The following CNBD1 variants were observed in gnomAD, a reference collection of about 807,000 sequenced individuals.
CNBD1 encodes the protein cyclic nucleotide-binding domain-containing protein 1.
CNBD1 carries 71 observed loss-of-function variants against 54.4 expected under a neutral mutation model. The observed-to-expected ratio is 1.30, with a 90% CI of 1.08 to 1.59. The LOEUF (loss-of-function observed/expected upper bound fraction) is 1.59. Ranked by LOEUF, CNBD1 falls within the 40% of genes most tolerant of loss-of-function variation. The pLI is 0.00. For synonymous variants in CNBD1, 182 were observed against 170.7 expected (o/e 1.07, Z -0.51); for missense variants, 659 against 518.0 (o/e 1.27, Z -2.64).
At chr8:87,118,147 C>T (rs1811813250) in intron 4 of CNBD1, among the ~76,000 whole-genome samples, 1 of 151,762 alleles carries the variant, frequency 6.6e-6, no homozygotes, top group Admixed American at 6.6e-5. Context: ...AACCCCATCT[C>T]TACTAAAAAT....
At chr8:86,984,985 G>A (rs1284407603) in intron 4 of CNBD1, among the ~76,000 whole-genome samples, 1 of 152,122 alleles carries the variant, frequency 6.6e-6, no homozygotes, top group Non-Finnish European at 1.5e-5. Flanking sequence ...GTTTGGCTGT[G>A]TCCCCATCCA....
At chr8:87,365,587 A>G (rs1338046310) in intron 10 of CNBD1, among the ~76,000 whole-genome samples, 2 of 152,050 alleles carry the variant, frequency 1.3e-5, no homozygotes, top group Non-Finnish European at 2.9e-5. Flanking sequence ...CAAAGGTTCT[A>G]TGTTTACATT....
intron 4 of CNBD1, among the ~76,000 whole-genome samples, chr8:87,012,366 A>G (rs1487180228): frequency 6.6e-6 from 1 of 152,192 alleles, no homozygotes; most frequent in Non-Finnish European, 1.5e-5. Context: ...TTCTCATCAG[A>G]TGGGTTTTAT....
chr8:87,219,569 A>G lies in CNBD1; in HGVS notation c.577+13431A>G, dbSNP rs139241828. On this transcript the variant is annotated intron_variant, in intron 5 of 10. Coordinates refer to ENST00000518476, the MANE Select transcript of CNBD1 (RefSeq NM_173538.3). ...ATATATGCATATATATAGCCAGAAT[A>G]CTCCTATAGTAACTCTAAGTACACA... Among the ~76,000 whole-genome samples, 5 of 152,084 alleles carry G rather than the reference A, an allele frequency of 3.3e-5. No individual in the cohort carries two copies. In the East Asian group the frequency reaches 9.6e-4, roughly 29 times the overall value.
At chr8:87,321,787 TTTTC>T (rs1809540319) in intron 8 of CNBD1, among the ~76,000 whole-genome samples, 1 of 58,624 alleles carries the variant, frequency 1.7e-5, no homozygotes, top group South Asian at 3.6e-4. Flanking sequence ...CATCAGGCTT[TTTTC>T]TTTTTCTTTT....
intron 4 of CNBD1, among the ~76,000 whole-genome samples, chr8:87,136,085 T>G (rs1483291802): frequency 1.3e-5 from 2 of 152,034 alleles, no homozygotes; most frequent in Non-Finnish European, 2.9e-5. Flanking sequence ...CAACTTTTTT[T>G]GCTTGGAGAA....
chr8:87,001,684 G>T (rs973014981), intron 4 of CNBD1, among the ~76,000 whole-genome samples: 4 of 152,160 alleles, frequency 2.6e-5, no homozygotes, highest in African/African-American at 9.6e-5. Context: ...CTGGGATCAT[G>T]CATAATTAAG....
chr8:87,208,995 TA>T (rs1206113059), intron 5 of CNBD1, among the ~76,000 whole-genome samples: 1 of 152,152 alleles, frequency 6.6e-6, no homozygotes. Flanking sequence ...ATATGGTAGC[TA>T]AATCTCATGA....
At position 87,388,547 on chromosome 8, in the gene CNBD1, C is replaced by A. The variant is rs537046631; in HGVS notation, c.213+34761C>A. On this transcript the variant is annotated intron_variant, in intron 2 of 7. Coordinates refer to the CNBD1 transcript ENST00000521593. Reference sequence around the variant, plus strand: ...ACACATACACACTCCCAAGACTAAACCAGGAAGAAGCTGAATCTCTGAGTA... The same window carrying A: ...ACACATACACACTCCCAAGACTAAAACAGGAAGAAGCTGAATCTCTGAGTA... 3.9e-3 allele frequency among the ~76,000 whole-genome samples: 588 copies of A among 152,190 alleles called. 8 individuals carry two copies. The highest frequency in any genetic ancestry group is 0.013 in the African/African-American group (554 of 41,502).
At chr8:87,056,715 T>C (rs559262070) in intron 4 of CNBD1, among the ~76,000 whole-genome samples, 1 of 152,230 alleles carries the variant, frequency 6.6e-6, no homozygotes, top group Non-Finnish European at 1.5e-5. Flanking sequence ...AATTTAATTA[T>C]ATTGACTGAT....
At chr8:87,059,607 G>A (rs1164030803) in intron 4 of CNBD1, among the ~76,000 whole-genome samples, 1 of 152,162 alleles carries the variant, frequency 6.6e-6, no homozygotes, top group African/African-American at 2.4e-5. Flanking sequence ...GAGTGAAGGA[G>A]GTTGGGGAAG....
At chr8:87,397,817 T>C (rs1257808656) in intron 2 of CNBD1, among the ~76,000 whole-genome samples, 1 of 152,022 alleles carries the variant, frequency 6.6e-6, no homozygotes, top group African/African-American at 2.4e-5. Context: ...GATGACTGAA[T>C]CATGGGGGCA....
At chr8:87,391,778 T>C (rs1009090352) in intron 2 of CNBD1, among the ~76,000 whole-genome samples, 1 of 149,320 alleles carries the variant, frequency 6.7e-6, no homozygotes, top group Non-Finnish European at 1.5e-5. Context: ...TGACCTTGGG[T>C]AAAGCGAACC....
chr8:86,966,815 A>T (rs961251183), intron 4 of CNBD1, among the ~76,000 whole-genome samples: 2 of 152,190 alleles, frequency 1.3e-5, no homozygotes, highest in Non-Finnish European at 2.9e-5. Context: ...AGAGCAAAAG[A>T]ACAAAGCTTC....
intron 6 of CNBD1, among the ~76,000 whole-genome samples, chr8:87,284,369 T>G (rs1041935080): frequency 1.3e-5 from 2 of 152,128 alleles, no homozygotes; most frequent in Non-Finnish European, 2.9e-5. Flanking sequence ...TGTACAAAAT[T>G]TCTTCATTCT....
intron 8 of CNBD1, among the ~76,000 whole-genome samples, chr8:87,337,530 G>A (rs1239364749): frequency 6.6e-6 from 1 of 152,220 alleles, no homozygotes; most frequent in African/African-American, 2.4e-5. Flanking sequence ...CCCTGGCTTA[G>A]GCCAATTCTA....
intron 4 of CNBD1, among the ~76,000 whole-genome samples, chr8:87,138,263 C>A (rs1247957977): frequency 6.6e-6 from 1 of 152,118 alleles, no homozygotes; most frequent in African/African-American, 2.4e-5. Flanking sequence ...AAGGAGGTTA[C>A]CAACTGAGTG....
intron 3 of CNBD1, among the ~76,000 whole-genome samples, chr8:86,926,271 G>A (rs191523760): frequency 2.4e-4 from 36 of 152,246 alleles, no homozygotes; most frequent in Non-Finnish European, 4.3e-4. Flanking sequence ...CTTCCTGCTG[G>A]ATAGGGGTGA....
intron 1 of CNBD1, among the ~76,000 whole-genome samples, chr8:86,874,951 T>G (rs1808492295): frequency 6.8e-6 from 1 of 147,734 alleles, no homozygotes; most frequent in African/African-American, 2.5e-5. Flanking sequence ...ATCTAGGGAA[T>G]ACAAATTCAC....
Sources: allele counts gnomAD v4.1 joint callset (sites outside exome capture counted in the v4.1 genomes callset), GRCh38; gene constraint gnomAD v4.1.1; transcripts MANE v1.5; gene names NCBI Gene and HGNC (gene_info 2026-07-23, HGNC 2026-07-21).